TMEM26: variants seen among roughly 807,000 people sequenced by gnomAD.
The protein encoded by TMEM26 is transmembrane protein 26.
TMEM26 carries 38 observed loss-of-function variants against 28.8 expected under a neutral mutation model. The observed-to-expected ratio is 1.32, with a 90% confidence interval of 1.02 to 1.73. The LOEUF is 1.73. Among genes scored for constraint, TMEM26 ranks in the 40% most tolerant of loss-of-function variants. The pLI is 0.00. For synonymous variants in TMEM26, 227 were observed against 182.9 expected, an observed-to-expected ratio of 1.24 and a Z score of -1.95; for missense variants, 518 against 447.1, an observed-to-expected ratio of 1.16 and a Z score of -1.43.
rs1436090311 is a variant in TMEM26 at position 61,452,995 on chromosome 10, C to G, written c.87G>C (p.Glu29Asp). 1 of 1,614,036 alleles carries G rather than the reference C, an allele frequency of 6.2e-7. No homozygotes were observed. The highest frequency in any genetic ancestry group is 1.1e-5 in the South Asian group (1 of 91,084). ...GCCAGTACCGCGGCTCCTTCTTCACCTCGGTCACTCGCCAGACCCCGACCA... is the reference window on the plus strand; with the variant it reads ...GCCAGTACCGCGGCTCCTTCTTCACGTCGGTCACTCGCCAGACCCCGACCA... ...HSLVGVWRVTEVKKEPRYWLL... is the reference protein window; with the variant it reads ...HSLVGVWRVTDVKKEPRYWLL... Residue 29 changes from glutamate to aspartate, a missense_variant, in exon 1 of 6, where the codon GAG becomes GAC. Transcript: ENST00000399298.
chr10:61,452,846 T>C, intron 1 of TMEM26, 45 bp downstream of exon 1: 2 of 1,584,454 alleles, frequency 1.3e-6, no homozygotes, highest in Non-Finnish European at 1.7e-6. Flanking sequence ...TGGGGGACAA[T>C]ACCCTAGGGC....
In TMEM26 at chr10:61,415,032, A is replaced by ATCACG. The variant is rs533109685; in HGVS notation, c.606-1498_606-1497insCGTGA. The ATCACG allele has an allele frequency of 1.2e-4, 115 of 985,334 alleles. No individual in the cohort carries two copies. The African/African-American group carries it at 1.9e-3, about 16-fold the overall frequency. 61.0% of individuals were successfully genotyped at this position (985,334 alleles called of 1,614,324 possible). A position where few individuals can be genotyped will look rare whatever the true frequency, so the allele number is the denominator to read the frequency against. ...TGCTTTTGATTCTTTTCTACTTCAC[A>ATCACG]TTTTATCATGACTTGGTGGACATTG... On this transcript the variant is annotated intron_variant, in intron 4 of 5. Transcript: ENST00000399298.
chr10:61,439,300 A>G (rs915380123), intron 1 of TMEM26, among the ~76,000 whole-genome samples: 2 of 152,216 alleles, frequency 1.3e-5, no homozygotes, highest in African/African-American at 4.8e-5. Flanking sequence ...CCATGAAGGA[A>G]GGTCCTGGGT....
chr10:61,449,603 AAAG>A (rs1227611546), intron 1 of TMEM26, among the ~76,000 whole-genome samples: 1 of 152,242 alleles, frequency 6.6e-6, no homozygotes, highest in Admixed American at 6.5e-5. Flanking sequence ...ATTTGAATTA[AAAG>A]AACAATACTC....
rs1041275117 is a variant in TMEM26 at position 61,452,881 on chromosome 10, G to A, written c.191+10C>T. ...CCCCGTGCGCCCTCGCTTTCCCGGG[G>A]CACTCTCACCATTTGTAGCCTCTGC... On this transcript the variant is annotated intron_variant, in intron 1 of 5. Transcript: ENST00000399298. 7 of 1,605,848 alleles carry A rather than the reference G, an allele frequency of 4.4e-6. No individual in the cohort carries two copies. The highest frequency in any genetic ancestry group is 6.0e-6 in the Non-Finnish European group (7 of 1,173,212).
At chr10:61,417,405 G>A (rs781034914) in intron 4 of TMEM26, among the ~76,000 whole-genome samples, 10 of 150,042 alleles carry the variant, frequency 6.7e-5, no homozygotes, top group Non-Finnish European at 1.5e-4. Context: ...TTAGCTATTT[G>A]TTTTTGGAAG....
At chr10:61,420,223 A>G (rs1233457119) in intron 4 of TMEM26, among the ~76,000 whole-genome samples, 1 of 152,196 alleles carries the variant, frequency 6.6e-6, no homozygotes, top group African/African-American at 2.4e-5. Context: ...GAAAAAATGT[A>G]TTTACTATTC....
chr10:61,448,241 T>A (rs1480129502), intron 1 of TMEM26, among the ~76,000 whole-genome samples: 1 of 152,250 alleles, frequency 6.6e-6, no homozygotes, highest in African/African-American at 2.4e-5. Context: ...CTGTGACAGC[T>A]CAAATGCTGT....
intron 1 of TMEM26, among the ~76,000 whole-genome samples, chr10:61,439,829 C>T (rs907067313): frequency 2.6e-5 from 4 of 152,204 alleles, no homozygotes; most frequent in Non-Finnish European, 5.9e-5. Context: ...AATGTACTCA[C>T]AGCTACATAC....
intron 5 of TMEM26, among the ~76,000 whole-genome samples, chr10:61,413,200 A>AT (rs1839596242): frequency 6.6e-6 from 1 of 152,084 alleles, no homozygotes; most frequent in African/African-American, 2.4e-5. Flanking sequence ...CTTATAAATC[A>AT]TAACTGACGG....
At chr10:61,447,485 A>G (rs1394619405) in intron 1 of TMEM26, among the ~76,000 whole-genome samples, 1 of 152,188 alleles carries the variant, frequency 6.6e-6, no homozygotes, top group Admixed American at 6.5e-5. Flanking sequence ...TGAATTTGAG[A>G]TCAATTTAGG....
In TMEM26 at chr10:61,452,998, G is replaced by T. The variant is rs764285838; in HGVS notation, c.84C>A (p.Thr28=). 2 of 1,613,960 alleles carry T rather than the reference G, an allele frequency of 1.2e-6. No individual in the cohort carries two copies. The highest frequency in any genetic ancestry group is 3.3e-5 in the Admixed American group (2 of 60,028). Residue 28 remains threonine (T), a synonymous_variant, in exon 1 of 6, where the codon ACC becomes ACA. Coordinates refer to ENST00000399298, the MANE Select transcript of TMEM26 (RefSeq NM_178505.8). ...AGTACCGCGGCTCCTTCTTCACCTC[G>T]GTCACTCGCCAGACCCCGACCAGCG... ...LHSLVGVWRV[T]EVKKEPRYWL...
At chr10:61,426,404 T>C (rs540669287) in intron 4 of TMEM26, among the ~76,000 whole-genome samples, 1 of 152,262 alleles carries the variant, frequency 6.6e-6, no homozygotes, top group South Asian at 2.1e-4. Flanking sequence ...AGTTGAACTT[T>C]ATGTTATTTA....
At chr10:61,428,453 A>C (rs1839867113) in intron 4 of TMEM26, among the ~76,000 whole-genome samples, 1 of 152,116 alleles carries the variant, frequency 6.6e-6, no homozygotes, top group Non-Finnish European at 1.5e-5. Flanking sequence ...TACACCAGGG[A>C]ATGCAAATCC....
intron 1 of TMEM26, among the ~76,000 whole-genome samples, chr10:61,439,144 CT>C (rs1477759131): frequency 1.3e-5 from 2 of 152,198 alleles, no homozygotes; most frequent in East Asian, 3.8e-4. Context: ...ATGTTCTTCT[CT>C]TGCACGTCTA....
intron 2 of TMEM26, among the ~76,000 whole-genome samples, chr10:61,435,206 G>A (rs1484878271): frequency 6.6e-6 from 1 of 152,070 alleles, no homozygotes; most frequent in African/African-American, 2.4e-5. Context: ...TCTTTGGGAG[G>A]GAGTTTCTCT....
At chr10:61,410,781 T>G in intron 5 of TMEM26, 35 bp from the exon 6 acceptor site, 1 of 1,600,784 alleles carries the variant, frequency 6.2e-7, no homozygotes, top group Non-Finnish European at 8.5e-7. Context: ...ACTATCTCTC[T>G]TGGAAGTGTA....
At chr10:61,412,947 A>G (rs374740368) in intron 5 of TMEM26, 21 of 1,293,246 alleles carry the variant, frequency 1.6e-5, no homozygotes, top group African/African-American at 1.2e-4. Flanking sequence ...AGGACCTCCA[A>G]TGAGGACAAT....
chr10:61,412,752 T>A (rs542728456), intron 5 of TMEM26: 1 of 258,422 alleles, frequency 3.9e-6, no homozygotes, highest in African/African-American at 2.3e-5. Flanking sequence ...GACTGAGGAG[T>A]TGGAATTTTA....
Sources: gnomAD v4.1 joint callset for allele counts (sites outside exome capture counted in the v4.1 genomes callset) on GRCh38, gnomAD v4.1.1 for gene constraint, MANE v1.5 for transcripts, NCBI Gene and HGNC (gene_info 2026-07-23, HGNC 2026-07-21) for gene names.